Variants in ZNF496 observed in about 807,000 individuals in gnomAD.
ZNF496 encodes NSD1 (nuclear receptor binding SET-domain containing 1)-interacting zinc finger protein 1.
A neutral mutation model predicts 58.9 loss-of-function variants in ZNF496; 11 were observed. The observed-to-expected ratio is 0.19, with a 90% CI of 0.12 to 0.31. ZNF496 has a LOEUF of 0.31. ZNF496 is among the 10% of genes least tolerant of loss of function. The probability of loss-of-function intolerance (pLI) is 1.00; values close to 1 mark genes in which losing one functional copy is unlikely to be tolerated. For synonymous variants in ZNF496, 338 were observed against 318.2 expected, an observed-to-expected ratio of 1.06 and a Z score of -0.66; for missense variants, 660 against 783.0, an observed-to-expected ratio of 0.84 and a Z score of 1.88.
At position 247,308,030 on chromosome 1, in the gene ZNF496, G is replaced by C; in HGVS notation, c.1006+445C>G. 2.0e-6 allele frequency: 2 copies of C among 985,320 alleles called. No individual in the cohort carries two copies. The highest frequency in any genetic ancestry group is 2.4e-6 in the Non-Finnish European group (2 of 829,854). The allele number at this position is 985,320 out of a possible 1,614,324, so 61.0% of individuals were successfully genotyped here. A position where few individuals can be genotyped will look rare whatever the true frequency, so the allele number is the denominator to read the frequency against. ...TGCCAGGATGCTGGCCATCCATGCT[G>C]AGAGAAGAAAAACACTCACTGCATC... On this transcript the variant is annotated intron_variant, in intron 9 of 9. Transcript: ENST00000682384. This position sits in a 1 kb window ranked among gnomAD's most constrained non-coding sequence, Gnocchi z 4.5.
chr1:247,322,982 A>G (rs1375100391), intron 6 of ZNF496, among the ~76,000 whole-genome samples, 172 bp downstream of exon 6: 1 of 152,100 alleles, frequency 6.6e-6, no homozygotes, highest in African/African-American at 2.4e-5. Context: ...ACAGGGAAGG[A>G]GGAGAAATGG....
At position 247,309,631 on chromosome 1, in the gene ZNF496, G is replaced by T; in HGVS notation, c.892+68C>A. 1 of 1,593,094 alleles carries T rather than the reference G, an allele frequency of 6.3e-7. No homozygotes were observed. The highest frequency in any genetic ancestry group is 8.6e-7 in the Non-Finnish European group (1 of 1,168,304). On this transcript the variant is annotated intron_variant, in intron 8 of 9. Transcript: ENST00000682384. This position sits in a 1 kb window ranked among gnomAD's most constrained non-coding sequence, Gnocchi z 4.3. ...GGCCGCAGAGAGAAGCCAGAGAGTG[G>T]GCTCACCTCCGGCTGCCAGCAACCC...
chr1:247,327,982 G>A (rs922314474), intron 5 of ZNF496, among the ~76,000 whole-genome samples: 2 of 152,174 alleles, frequency 1.3e-5, no homozygotes, highest in African/African-American at 4.8e-5. Flanking sequence ...TTTGTAGGTT[G>A]TATCTCATTT....
chr1:247,300,595 G>T lies in ZNF496; in HGVS notation c.1688C>A (p.Thr563Lys). ...FQCRYCVKSF[T>K]QNYDLLRHER... Reference sequence around the variant, plus strand: ...GTGGCGGAGGAGGTCATAGTTCTGCGTGAAGCTCTTGACGCAGTACCGGCA... The same window carrying T: ...GTGGCGGAGGAGGTCATAGTTCTGCTTGAAGCTCTTGACGCAGTACCGGCA... The change falls in exon 10 of 10, where the codon ACG becomes AAG. Residue 563 changes from threonine (T) to lysine (K), a missense_variant. Physicochemically the swap from Thr to Lys is moderately conservative, Grantham distance 78. Transcript: ENST00000682384. This position sits in a 1 kb window ranked among gnomAD's most constrained non-coding sequence, Gnocchi z 5.7. 1 of 1,614,086 alleles carries T rather than the reference G, an allele frequency of 6.2e-7. No individual in the cohort carries two copies. The highest frequency in any genetic ancestry group is 8.5e-7 in the Non-Finnish European group (1 of 1,180,008).
At chr1:247,328,994 G>T in intron 4 of ZNF496, 128 bp from the exon 5 acceptor site, 1 of 1,391,180 alleles carries the variant, frequency 7.2e-7, no homozygotes, top group Non-Finnish European at 9.7e-7. Flanking sequence ...GCTGTAAAGG[G>T]GCACGACACT....
chr1:247,331,166 G>C (rs1385436558), intron 2 of ZNF496, among the ~76,000 whole-genome samples: 3 of 152,228 alleles, frequency 2.0e-5, no homozygotes, highest in Non-Finnish European at 2.9e-5. Context: ...CCAACCAGAC[G>C]GCCGCGTCCG....
intron 6 of ZNF496, among the ~76,000 whole-genome samples, chr1:247,315,991 C>T (rs567526991): frequency 6.6e-6 from 1 of 152,228 alleles, no homozygotes; most frequent in East Asian, 1.9e-4. Context: ...CCAAAACAGG[C>T]CTCGGGAAGC....
In ZNF496 at chr1:247,329,421, G is replaced by A. The variant is rs754624563; in HGVS notation, c.158C>T (p.Ala53Val). The change falls in exon 4 of 10, where the codon GCG becomes GTG. Residue 53 changes from alanine (A) to valine (V), a missense_variant. Ala to Val is a moderately conservative substitution (Grantham distance 64). Coordinates refer to ENST00000682384, the MANE Select transcript of ZNF496 (RefSeq NM_032752.3). The surrounding 1 kb of genome is among the most constrained non-coding windows in gnomAD (Gnocchi z 5.5). ...RLFRRFRYQE[A>V]AGPREALQRL... The stretch of plus-strand genomic sequence containing the variant: ...CTGCAGGGCCTCCCGGGGGCCCGCC[G>A]CCTCCTGGTAGCGGAAACGGCGGAA... 5 of 1,613,134 alleles carry A rather than the reference G, an allele frequency of 3.1e-6. No homozygotes were observed. Among genetic ancestry groups the A allele is most frequent in the African/African-American group, 1.3e-5 (1 of 75,036 alleles).
At chr1:247,318,877 A>G (rs915176293) in intron 6 of ZNF496, among the ~76,000 whole-genome samples, 1 of 152,238 alleles carries the variant, frequency 6.6e-6, no homozygotes, top group African/African-American at 2.4e-5. Flanking sequence ...CACAAATTAC[A>G]ACACTCTATG....
chr1:247,316,249 T>C (rs902783602), intron 6 of ZNF496, among the ~76,000 whole-genome samples: 1 of 141,616 alleles, frequency 7.1e-6, no homozygotes, highest in African/African-American at 2.6e-5. Context: ...GCGCGCGCAG[T>C]GGGGGTCCCG....
At chr1:247,301,378 G>T in intron 9 of ZNF496, 102 bp from the exon 10 acceptor site, 1 of 1,422,956 alleles carries the variant, frequency 7.0e-7, no homozygotes, top group Non-Finnish European at 9.3e-7. Context: ...ACAAACCCGT[G>T]TTTTTACAAT....
chr1:247,329,551 A>C lies in ZNF496; in HGVS notation c.28T>G (p.Leu10Val). Residue 10 changes from leucine to valine, a missense_variant, in exon 4 of 10, where the codon TTG becomes GTG. Physicochemically the swap from Leu to Val is conservative, Grantham distance 32. Coordinates refer to ENST00000682384, the MANE Select transcript of ZNF496 (RefSeq NM_032752.3). This position sits in a 1 kb window ranked among gnomAD's most constrained non-coding sequence, Gnocchi z 5.5. MPTALCPRV[L>V]APKESEEPRK... Reference sequence around the variant, plus strand: ...GGCTCCTCACTTTCCTTCGGAGCCAAGACTCGGGGGCACAGGGCTGTGGGC... The same window carrying C: ...GGCTCCTCACTTTCCTTCGGAGCCACGACTCGGGGGCACAGGGCTGTGGGC... The C allele has an allele frequency of 1.9e-6, 3 of 1,568,694 alleles. No individual in the cohort carries two copies. Among genetic ancestry groups the C allele is most frequent in the Non-Finnish European group, 2.6e-6 (3 of 1,163,602 alleles).
rs548822456 is a variant in ZNF496, at chr1:247,329,719, T to C, written c.-37-104A>G. 2.5e-4 allele frequency: 277 copies of C among 1,124,694 alleles called. 2 individuals carry two copies. The highest frequency in any genetic ancestry group is 3.3e-4 in the Non-Finnish European group (266 of 806,190). 69.7% of individuals were successfully genotyped at this position (1,124,694 alleles called of 1,614,324 possible). ...GTCAATGCCCTCAGAGACCAGCCCT[T>C]TGGAGAAGCCCTGGGAAAGGTAGGG... is the stretch of plus-strand genomic sequence containing the variant. On this transcript the variant is annotated intron_variant, in intron 3 of 9. Coordinates refer to ENST00000682384, the MANE Select transcript of ZNF496 (RefSeq NM_032752.3). This position sits in a 1 kb window ranked among gnomAD's most constrained non-coding sequence, Gnocchi z 5.5.
chr1:247,328,632 G>A, intron 5 of ZNF496, 51 bp downstream of exon 5: 1 of 1,480,572 alleles, frequency 6.8e-7, no homozygotes, highest in Non-Finnish European at 9.0e-7. Flanking sequence ...GCACAGTATG[G>A]GGTGTGCACT....
rs1250632000 is a variant in ZNF496, at chr1:247,310,376, G to A, written c.732C>T (p.Gly244=). ...DWSLLDPAQT[G]FYGEFIIGED... The stretch of plus-strand genomic sequence containing the variant: ...CCCCAATGATGAACTCTCCATAGAA[G>A]CCAGTCTGGGCAGGATCTAGAAGGG... Residue 244 remains glycine (G), a synonymous_variant, in exon 7 of 10, where the codon GGC becomes GGT. Coordinates refer to ENST00000682384, the MANE Select transcript of ZNF496 (RefSeq NM_032752.3). 1.2e-6 allele frequency: 2 copies of A among 1,614,036 alleles called. No individual in the cohort carries two copies. Among genetic ancestry groups the A allele is most frequent in the Non-Finnish European group, 8.5e-7 (1 of 1,180,030 alleles).
chr1:247,306,363 AT>A (rs1659409114), intron 9 of ZNF496, among the ~76,000 whole-genome samples: 1 of 151,826 alleles, frequency 6.6e-6, no homozygotes, highest in East Asian at 1.9e-4. Flanking sequence ...CGCCTGGTTA[AT>A]TTTTATATTT....
At chr1:247,323,680 T>C (rs1336207554) in intron 5 of ZNF496, among the ~76,000 whole-genome samples, 2 of 151,856 alleles carry the variant, frequency 1.3e-5, no homozygotes, top group Admixed American at 6.6e-5. Flanking sequence ...TATTCTTATT[T>C]TGGGGACTGA....
In ZNF496 at chr1:247,300,353, G is replaced by T; in HGVS notation, c.*166C>A. On this transcript the variant is annotated 3_prime_UTR_variant, in exon 10 of 10. Transcript: ENST00000682384. The surrounding 1 kb of genome is among the most constrained non-coding windows in gnomAD (Gnocchi z 5.7). ...CCACTCTTTCATTACCTGGGGGAGG[G>T]AGAGTGCTCCCATGGCACCACCCGA... 1 of 634,344 alleles carries T rather than the reference G, an allele frequency of 1.6e-6. No homozygotes were observed. 39.3% of individuals were successfully genotyped at this position (634,344 alleles called of 1,614,324 possible). A position where few individuals can be genotyped will look rare whatever the true frequency, so the allele number is the denominator to read the frequency against.
intron 6 of ZNF496, among the ~76,000 whole-genome samples, chr1:247,318,374 ATG>A (rs1659852012): frequency 6.6e-6 from 1 of 152,238 alleles, no homozygotes; most frequent in South Asian, 2.1e-4. Context: ...AAACCTAGAA[ATG>A]TAAGAAGCTG....
Sources: gnomAD v4.1 joint callset for allele counts (sites outside exome capture counted in the v4.1 genomes callset) on GRCh38, gnomAD v4.1.1 for gene constraint, Gnocchi (gnomAD v3.1) non-coding constraint, MANE v1.5 for transcripts, NCBI Gene and HGNC (gene_info 2026-07-23, HGNC 2026-07-21) for gene names.